The following SRGN variants were observed in gnomAD, a reference collection of about 807,000 sequenced individuals.
SRGN encodes the protein serglycin.
Under a neutral mutation model 9.5 loss-of-function variants are expected in SRGN, and 2 were observed. The ratio of observed to expected loss-of-function variants is 0.21; its 90% CI spans 0.09 to 0.66. SRGN has a LOEUF of 0.66. Ranked by LOEUF, SRGN falls within the 30% of genes least tolerant of loss-of-function variation. The pLI, the probability that SRGN is intolerant of heterozygous loss-of-function variation, is 0.83. For synonymous variants in SRGN, 59 were observed against 72.3 expected (o/e 0.82, Z 0.93); for missense variants, 170 against 192.4 (o/e 0.88, Z 0.69).
upstream of SRGN, chr10:69,087,998 T>G: frequency 9.9e-6 from 6 of 607,976 alleles, no homozygotes; most frequent in Non-Finnish European, 1.8e-5. Flanking sequence ...CTTTCTGGGT[T>G]TTGATGTGGA....
chr10:69,095,785 G>T (rs1840161073), intron 1 of SRGN, among the ~76,000 whole-genome samples: 1 of 151,970 alleles, frequency 6.6e-6, no homozygotes, highest in Non-Finnish European at 1.5e-5. Context: ...GGTGGTGAGT[G>T]CCTGTAATCC....
chr10:69,092,199 G>A (rs1179380595), intron 1 of SRGN, among the ~76,000 whole-genome samples: 3 of 152,076 alleles, frequency 2.0e-5, no homozygotes, highest in Non-Finnish European at 4.4e-5. Context: ...CTATCCATGA[G>A]CATAGCCACT....
At chr10:69,102,605 G>C (rs1352523500) in intron 2 of SRGN, among the ~76,000 whole-genome samples, 1 of 152,150 alleles carries the variant, frequency 6.6e-6, no homozygotes, top group Non-Finnish European at 1.5e-5. Context: ...TTTTGTCTCT[G>C]ATGCTTTGTT....
chr10:69,088,012 C>G, upstream of SRGN: 21 of 615,426 alleles, frequency 3.4e-5, no homozygotes, highest in East Asian at 2.9e-5. Context: ...ATGTGGATGT[C>G]TTTCTATTTG....
chr10:69,101,668 C>T (rs1840295685), intron 2 of SRGN, among the ~76,000 whole-genome samples: 1 of 152,308 alleles, frequency 6.6e-6, no homozygotes, highest in African/African-American at 2.4e-5. Context: ...TCCTCACCCC[C>T]TCTGTGGCTG....
chr10:69,094,642 T>G (rs1840136992), intron 1 of SRGN, among the ~76,000 whole-genome samples: 1 of 152,218 alleles, frequency 6.6e-6, no homozygotes, highest in Non-Finnish European at 1.5e-5. Context: ...TCACCCAGGC[T>G]GAAGTGCAGC....
Position 69,104,562 on chromosome 10 carries a change from G to C in SRGN, c.*442G>C, listed in dbSNP as rs1172373772. 3 of 156,096 alleles carry C rather than the reference G, an allele frequency of 1.9e-5. No homozygotes were observed. Among genetic ancestry groups the C allele is most frequent in the African/African-American group, 7.2e-5 (3 of 41,388 alleles). 9.7% of individuals were successfully genotyped at this position (156,096 alleles called of 1,614,324 possible). A position where few individuals can be genotyped will look rare whatever the true frequency, so the allele number is the denominator to read the frequency against. ...AATAATGAAACACAGTGAATTTGTA[G>C]AGTGGGGGTATTTGACATATTTTAC... On this transcript the variant is annotated 3_prime_UTR_variant, in exon 3 of 3. Coordinates refer to ENST00000242465, the MANE Select transcript of SRGN (RefSeq NM_002727.4).
intron 1 of SRGN, among the ~76,000 whole-genome samples, chr10:69,096,285 G>A (rs1219159041): frequency 6.6e-6 from 1 of 152,164 alleles, no homozygotes; most frequent in Non-Finnish European, 1.5e-5. Context: ...CTGTGTGGCT[G>A]CAATTTTCTT....
intron 1 of SRGN, among the ~76,000 whole-genome samples, chr10:69,090,480 G>T (rs1284071076): frequency 6.6e-6 from 1 of 152,166 alleles, no homozygotes. Context: ...GGTGCTGGCA[G>T]GGTCGATCGC....
At chr10:69,096,047 G>A (rs773065554) in intron 1 of SRGN, among the ~76,000 whole-genome samples, 19 of 152,220 alleles carry the variant, frequency 1.2e-4, no homozygotes, top group Non-Finnish European at 2.2e-4. Context: ...GGTGCTCTGT[G>A]AATAGAGGAG....
At position 69,104,015 on chromosome 10, in the gene SRGN, C is replaced by T. The variant is rs542681905; in HGVS notation, c.372C>T (p.Asp124=). 42 of 1,614,172 alleles carry T rather than the reference C, an allele frequency of 2.6e-5. No individual in the cohort carries two copies. Among genetic ancestry groups the T allele is most frequent in the East Asian group, 8.9e-5 (4 of 44,888 alleles). The part of the protein sequence containing the change: ...TEMEQDYQLV[D]ESDAFHDNLR... ...TGGAACAGGATTACCAACTAGTAGA[C>T]GAAAGTGATGCTTTCCATGACAACC... Residue 124 remains aspartate (D), a synonymous_variant, in exon 3 of 3, where the codon GAC becomes GAT. Transcript: ENST00000242465.
At chr10:69,094,064 G>A (rs1241662272) in intron 1 of SRGN, among the ~76,000 whole-genome samples, 2 of 152,138 alleles carry the variant, frequency 1.3e-5, no homozygotes, top group African/African-American at 4.8e-5. Context: ...GTACTACTCT[G>A]AGAACCTAAC....
intron 2 of SRGN, 79 bp from the exon 3 acceptor site, chr10:69,103,792 A>G (rs564603424): frequency 1.4e-6 from 2 of 1,472,522 alleles, no homozygotes; most frequent in African/African-American, 2.9e-5. Flanking sequence ...ATCTCCTTAT[A>G]TTAAAAAAAC....
rs1289960917 is a variant in SRGN, at chr10:69,104,185, T to G, written c.*65T>G. 6.5e-7 allele frequency: 1 copy of G among 1,532,854 alleles called. No individual in the cohort carries two copies. The highest frequency in any genetic ancestry group is 8.8e-7 in the Non-Finnish European group (1 of 1,137,346). The allele number at this position is 1,532,854 out of a possible 1,614,324, so 95.0% of individuals were successfully genotyped here. The stretch of plus-strand genomic sequence containing the variant: ...GCATATTTTATGTACCATGGTTATA[T>G]GATTAATCTTGGGACAAAGAATTTT... On this transcript the variant is annotated 3_prime_UTR_variant, in exon 3 of 3. Coordinates refer to ENST00000242465, the MANE Select transcript of SRGN (RefSeq NM_002727.4).
At chr10:69,093,672 T>TC (rs1294881942) in intron 1 of SRGN, among the ~76,000 whole-genome samples, 2 of 152,022 alleles carry the variant, frequency 1.3e-5, no homozygotes, top group African/African-American at 2.4e-5. Flanking sequence ...GGTCAGGAGA[T>TC]CGAGACCTTC....
chr10:69,097,652 C>T (rs1840206150), intron 2 of SRGN, among the ~76,000 whole-genome samples: 1 of 152,108 alleles, frequency 6.6e-6, no homozygotes, highest in Admixed American at 6.6e-5. Flanking sequence ...TGGTCTCGAT[C>T]TCCTGACCTA....
At chr10:69,092,250 A>G (rs1840079635) in intron 1 of SRGN, among the ~76,000 whole-genome samples, 1 of 152,138 alleles carries the variant, frequency 6.6e-6, no homozygotes, top group African/African-American at 2.4e-5. Flanking sequence ...TAGAGTCAAG[A>G]TACTCTCACA....
At chr10:69,096,704 A>G (rs1302415541) in intron 1 of SRGN, among the ~76,000 whole-genome samples, 1 of 152,182 alleles carries the variant, frequency 6.6e-6, no homozygotes, top group Non-Finnish European at 1.5e-5. Flanking sequence ...GGTGGGGTGC[A>G]GTTGCTCATT....
chr10:69,103,664 G>A (rs1840333663), intron 2 of SRGN, among the ~76,000 whole-genome samples: 1 of 152,088 alleles, frequency 6.6e-6, no homozygotes, highest in Non-Finnish European at 1.5e-5. Flanking sequence ...GTTGATAGGT[G>A]CAATAAGTAT....
Sources: gnomAD v4.1 joint callset for allele counts (sites outside exome capture counted in the v4.1 genomes callset) on GRCh38, gnomAD v4.1.1 for gene constraint, MANE v1.5 for transcripts, NCBI Gene and HGNC (gene_info 2026-07-23, HGNC 2026-07-21) for gene names.